PHACTR1: variants seen among roughly 807,000 people sequenced by gnomAD.
PHACTR1 encodes the protein phosphatase and actin regulator 1, also known as RPEL repeat containing 1.
In PHACTR1, 16 loss-of-function variants were observed where a neutral mutation model predicts 69.2. That is an observed-to-expected ratio of 0.23 (90% CI 0.16 to 0.35). The LOEUF is 0.35. PHACTR1 is among the 10% of genes least tolerant of loss of function. PHACTR1 has a pLI of 1.00. For synonymous variants in PHACTR1, 312 were observed against 284.5 expected, an observed-to-expected ratio of 1.10 and a Z score of -0.97; for missense variants, 510 against 734.7, an observed-to-expected ratio of 0.69 and a Z score of 3.54.
chr6:13,163,645 A>G, intron 6 of PHACTR1, among the ~76,000 whole-genome samples: 1 of 152,226 alleles, frequency 6.6e-6, no homozygotes, highest in East Asian at 1.9e-4. Flanking sequence ...CTCTGTGGAT[A>G]TTAATCTCAT....
chr6:12,793,962 C>G (rs1189813975), intron 4 of PHACTR1, among the ~76,000 whole-genome samples: 1 of 152,178 alleles, frequency 6.6e-6, no homozygotes, highest in Non-Finnish European at 1.5e-5. Flanking sequence ...GCCAGGCACT[C>G]CGCTAAGTCC....
At chr6:13,162,205 A>C (rs968538044) in intron 6 of PHACTR1, among the ~76,000 whole-genome samples, 5 of 151,808 alleles carry the variant, frequency 3.3e-5, no homozygotes, top group Non-Finnish European at 7.4e-5. Context: ...GTTCCAGTGG[A>C]TCTCCTGCCT....
chr6:12,876,232 T>C (rs2070731859), intron 4 of PHACTR1, among the ~76,000 whole-genome samples: 1 of 152,152 alleles, frequency 6.6e-6, no homozygotes, highest in Non-Finnish European at 1.5e-5. Flanking sequence ...AACCTCCTGA[T>C]ACAAGGAAAA....
At chr6:12,992,968 G>A (rs573701603) in intron 4 of PHACTR1, among the ~76,000 whole-genome samples, 5 of 152,260 alleles carry the variant, frequency 3.3e-5, no homozygotes, top group African/African-American at 9.6e-5. Flanking sequence ...CCTGGCTGGC[G>A]CCATGTTGCC....
At chr6:13,250,286 T>A (rs568622024) in intron 10 of PHACTR1, among the ~76,000 whole-genome samples, 2 of 152,346 alleles carry the variant, frequency 1.3e-5, no homozygotes, top group Admixed American at 6.5e-5. Flanking sequence ...ATATCTCCAT[T>A]AGAGAAAGAA....
At chr6:13,274,210 A>G (rs889288496) in intron 11 of PHACTR1, 2 of 151,736 alleles carry the variant, frequency 1.3e-5, no homozygotes, top group Admixed American at 6.6e-5. Context: ...CACTTCCTCA[A>G]CTCTCAGTAG....
chr6:13,225,410 A>G (rs1769448910), intron 8 of PHACTR1, among the ~76,000 whole-genome samples: 1 of 152,160 alleles, frequency 6.6e-6, no homozygotes. Context: ...ACCAATCCCT[A>G]TTTGACAAAC....
At chr6:13,139,208 C>T (rs1822030350) in intron 5 of PHACTR1, among the ~76,000 whole-genome samples, 1 of 150,546 alleles carries the variant, frequency 6.6e-6, no homozygotes. Flanking sequence ...GGGTCTTCTA[C>T]AACAGGGGTT....
chr6:12,844,405 A>C (rs1054057557), intron 4 of PHACTR1, among the ~76,000 whole-genome samples: 18 of 151,888 alleles, frequency 1.2e-4, no homozygotes, highest in Admixed American at 5.3e-4. Context: ...CCCCGCCCCC[A>C]AAAAAACACA....
At chr6:13,151,919 TAA>T (rs1490736128) in intron 5 of PHACTR1, among the ~76,000 whole-genome samples, 13 of 113,736 alleles carry the variant, frequency 1.1e-4, no homozygotes, top group Non-Finnish European at 2.3e-4. Flanking sequence ...TTTTTATAAA[TAA>T]GTGTGTGTGT....
intron 4 of PHACTR1, among the ~76,000 whole-genome samples, chr6:12,905,679 G>T (rs968390742): frequency 4.6e-5 from 7 of 152,198 alleles, no homozygotes; most frequent in African/African-American, 1.4e-4. Flanking sequence ...GCAGAGAAGA[G>T]AGGTCCAAAG....
chr6:13,015,575 C>T (rs1234792103), intron 4 of PHACTR1, among the ~76,000 whole-genome samples: 3 of 152,192 alleles, frequency 2.0e-5, no homozygotes, highest in African/African-American at 4.8e-5. Flanking sequence ...CAGTTGCTCT[C>T]TTGACTGAAT....
chr6:12,746,693 T>C (rs980987647), intron 3 of PHACTR1, among the ~76,000 whole-genome samples: 2 of 152,182 alleles, frequency 1.3e-5, no homozygotes, highest in Non-Finnish European at 2.9e-5. Flanking sequence ...AAAGCTAAAG[T>C]GGTAGCAATA....
At chr6:12,816,389 T>C (rs1775589472) in intron 4 of PHACTR1, among the ~76,000 whole-genome samples, 3 of 152,256 alleles carry the variant, frequency 2.0e-5, no homozygotes, top group Admixed American at 6.5e-5. Context: ...TTTAGTCTTA[T>C]GTAATTAAAC....
intron 4 of PHACTR1, among the ~76,000 whole-genome samples, chr6:12,931,990 T>C (rs1180316641): frequency 6.6e-6 from 1 of 151,906 alleles, no homozygotes; most frequent in Non-Finnish European, 1.5e-5. Context: ...CAGCATCATC[T>C]AGTAATGCAT....
intron 7 of PHACTR1, among the ~76,000 whole-genome samples, chr6:13,200,943 CA>C (rs772620697): frequency 0.025 from 2,296 of 90,634 alleles, 45 homozygotes; most frequent in African/African-American, 0.07. Context: ...AACTCTGTCT[CA>C]AAAAAAAAAA....
At chr6:12,743,241 T>TA (rs942051333) in intron 3 of PHACTR1, among the ~76,000 whole-genome samples, 1 of 149,960 alleles carries the variant, frequency 6.7e-6, no homozygotes, top group African/African-American at 2.5e-5. Flanking sequence ...TAGAATCTAA[T>TA]AACAGGTGAA....
intron 5 of PHACTR1, among the ~76,000 whole-genome samples, chr6:13,134,499 C>A (rs1821205792): frequency 6.6e-6 from 1 of 152,076 alleles, no homozygotes; most frequent in South Asian, 2.1e-4. Flanking sequence ...TACCCCCAAC[C>A]CCTTGCTCTC....
At chr6:12,761,321 A>G (rs1177929800) in intron 4 of PHACTR1, among the ~76,000 whole-genome samples, 1 of 152,220 alleles carries the variant, frequency 6.6e-6, no homozygotes, top group Non-Finnish European at 1.5e-5. Context: ...TGCCTTTGCC[A>G]TGGCCAAAAA....
Sources: gnomAD v4.1 joint callset for allele counts (sites outside exome capture counted in the v4.1 genomes callset) on GRCh38, gnomAD v4.1.1 for gene constraint, MANE v1.5 for transcripts, NCBI Gene and HGNC (gene_info 2026-07-23, HGNC 2026-07-21) for gene names.